The following PTPRD variants were observed in gnomAD, a reference collection of about 807,000 sequenced individuals.
PTPRD encodes receptor-type tyrosine-protein phosphatase delta.
In PTPRD, 34 loss-of-function variants were observed where a neutral mutation model predicts 214.5. The ratio of observed to expected loss-of-function variants is 0.16; its 90% CI spans 0.12 to 0.21. The LOEUF (loss-of-function observed/expected upper bound fraction) is 0.21. Among genes scored for constraint, PTPRD ranks in the 10% least tolerant of loss-of-function variants. PTPRD has a pLI of 1.00. For missense variants in PTPRD, 2,545 were observed against 2,398.7 expected, an observed-to-expected ratio of 1.06 and a Z score of -1.27; for synonymous variants, 1,128 against 845.7, an observed-to-expected ratio of 1.33 and a Z score of -5.79.
At chr9:10,279,825 T>C (rs2094986576) in intron 3 of PTPRD, among the ~76,000 whole-genome samples, 1 of 152,178 alleles carries the variant, frequency 6.6e-6, no homozygotes, top group Non-Finnish European at 1.5e-5. Flanking sequence ...TGAGTAGTCC[T>C]GAATTGATAC....
At chr9:10,269,497 G>A (rs945713128) in intron 3 of PTPRD, among the ~76,000 whole-genome samples, 1 of 152,074 alleles carries the variant, frequency 6.6e-6, no homozygotes, top group Non-Finnish European at 1.5e-5. Flanking sequence ...ACAACCACCT[G>A]AGGAAAGAAA....
chr9:9,325,597 G>C (rs1969620625), intron 9 of PTPRD, among the ~76,000 whole-genome samples: 2 of 152,122 alleles, frequency 1.3e-5, no homozygotes, highest in Non-Finnish European at 2.9e-5. Context: ...TTTGGGCTGA[G>C]ACAATGGGGT....
At position 8,442,981 on chromosome 9, in the gene PTPRD, A is replaced by T. The variant is rs554069352; in HGVS notation, c.3989-6292T>A. On this transcript the variant is annotated intron_variant, in intron 34 of 45. Coordinates refer to ENST00000381196, the MANE Select transcript of PTPRD (RefSeq NM_002839.4). ...CAGAGGAAGACCCCGTTTCTGCAAC[A>T]AAAATTTTTTTAAATGAACCGGGCA... is the stretch of plus-strand genomic sequence containing the variant. Among the ~76,000 whole-genome samples the T allele has an allele frequency of 5.3e-4, 81 of 152,330 alleles. 1 individual carries two copies. Among genetic ancestry groups the T allele is most frequent in the Middle Eastern group, 6.8e-3 (2 of 294 alleles).
intron 12 of PTPRD, among the ~76,000 whole-genome samples, chr9:8,659,982 A>G (rs1299436182): frequency 6.6e-6 from 1 of 152,244 alleles, no homozygotes; most frequent in African/African-American, 2.4e-5. Context: ...CTATTATAAG[A>G]AAAAGAATTG....
At chr9:10,531,361 C>A (rs2056245728) in intron 2 of PTPRD, among the ~76,000 whole-genome samples, 1 of 152,236 alleles carries the variant, frequency 6.6e-6, no homozygotes, top group East Asian at 1.9e-4. Context: ...AATCACCATA[C>A]TATGCAAAAA....
At chr9:8,941,140 C>T (rs1206620994) in intron 11 of PTPRD, among the ~76,000 whole-genome samples, 6 of 152,072 alleles carry the variant, frequency 3.9e-5, no homozygotes, top group African/African-American at 1.4e-4. Context: ...GCTCTCTTTG[C>T]TCATAAACAC....
At chr9:10,602,146 C>T (rs894663479) in intron 2 of PTPRD, among the ~76,000 whole-genome samples, 3 of 151,686 alleles carry the variant, frequency 2.0e-5, no homozygotes, top group African/African-American at 4.8e-5. Flanking sequence ...TGTATATGTG[C>T]TTTGCCATCT....
At chr9:9,589,040 C>T (rs1216776692) in intron 7 of PTPRD, among the ~76,000 whole-genome samples, 1 of 151,728 alleles carries the variant, frequency 6.6e-6, no homozygotes, top group African/African-American at 2.4e-5. Flanking sequence ...GCAAGTTGAC[C>T]ACTTCCGTAT....
chr9:9,651,135 C>G lies in PTPRD; in HGVS notation c.-286-76354G>C, dbSNP rs186572550. 1.9e-3 allele frequency among the ~76,000 whole-genome samples: 295 copies of G among 152,206 alleles called. 4 individuals carry two copies. The highest frequency in any genetic ancestry group is 6.5e-3 in the African/African-American group (272 of 41,544). On this transcript the variant is annotated intron_variant, in intron 7 of 45. Coordinates refer to ENST00000381196, the MANE Select transcript of PTPRD (RefSeq NM_002839.4). ...TCTCAGTCTTATGCTTTTCCATCAC[C>G]AAATCATTGGTTCTTGTGTAAAATA...
At position 10,120,349 on chromosome 9, in the gene PTPRD, C is replaced by T. The variant is rs186210810; in HGVS notation, c.-544-86559G>A. ...TTATTTAAGTATTATCTCTTTTAAT[C>T]TAAACAACCACTGCTCTGATTTAAG... is the stretch of plus-strand genomic sequence containing the variant. On this transcript the variant is annotated intron_variant, in intron 3 of 45. Transcript: ENST00000381196. 7.4e-4 allele frequency among the ~76,000 whole-genome samples: 113 copies of T among 152,032 alleles called. 2 individuals carry two copies. The East Asian group carries it at 0.017, about 22-fold the overall frequency.
chr9:9,762,942 G>A (rs1005601181), intron 6 of PTPRD, among the ~76,000 whole-genome samples: 2 of 152,246 alleles, frequency 1.3e-5, no homozygotes, highest in African/African-American at 2.4e-5. Context: ...TGACAACAAG[G>A]TAGATTTTAT....
At chr9:9,362,665 G>A (rs1191580678) in intron 9 of PTPRD, among the ~76,000 whole-genome samples, 1 of 151,128 alleles carries the variant, frequency 6.6e-6, no homozygotes, top group Non-Finnish European at 1.5e-5. Context: ...CTCTCAAGGG[G>A]CCAATACGTG....
intron 10 of PTPRD, among the ~76,000 whole-genome samples, chr9:9,108,251 C>T (rs927542228): frequency 6.6e-6 from 1 of 152,056 alleles, no homozygotes; most frequent in East Asian, 1.9e-4. Flanking sequence ...TTTCTCCCTA[C>T]CTTTTGTTTT....
intron 6 of PTPRD, among the ~76,000 whole-genome samples, chr9:9,748,875 A>G (rs1365827968): frequency 6.6e-6 from 1 of 152,126 alleles, no homozygotes; most frequent in Non-Finnish European, 1.5e-5. Flanking sequence ...GTGACATTAT[A>G]TTATTGTCTG....
At chr9:8,532,072 T>A (rs1028704571) in intron 14 of PTPRD, among the ~76,000 whole-genome samples, 2 of 152,044 alleles carry the variant, frequency 1.3e-5, no homozygotes, top group Non-Finnish European at 2.9e-5. Context: ...CCTTTCTTAT[T>A]TTTAATAAGG....
chr9:9,919,714 G>C (rs1045897481), intron 5 of PTPRD, among the ~76,000 whole-genome samples: 6 of 152,080 alleles, frequency 3.9e-5, no homozygotes, highest in African/African-American at 1.4e-4. Flanking sequence ...TAAAGAGAAA[G>C]AACAACGGGC....
At chr9:8,943,586 G>T (rs2099046510) in intron 11 of PTPRD, among the ~76,000 whole-genome samples, 1 of 143,626 alleles carries the variant, frequency 7.0e-6, no homozygotes. Flanking sequence ...TTTATTTATT[G>T]ATTTTTTAAC....
In PTPRD at chr9:8,584,898, G is replaced by A. The variant is rs184163612; in HGVS notation, c.352+48419C>T. On this transcript the variant is annotated intron_variant, in intron 14 of 45. Transcript: ENST00000381196. ...CTTCGCATGGCAGTGTCGAGGAGAA[G>A]AATGAGCAAAGGGCGGGAAAAGTCC... 4.6e-5 allele frequency among the ~76,000 whole-genome samples: 7 copies of A among 152,298 alleles called. No individual in the cohort carries two copies. The East Asian group carries it at 1.4e-3, about 29-fold the overall frequency.
At chr9:10,224,924 T>G (rs1224748773) in intron 3 of PTPRD, among the ~76,000 whole-genome samples, 1 of 152,102 alleles carries the variant, frequency 6.6e-6, no homozygotes, top group Non-Finnish European at 1.5e-5. Flanking sequence ...CAGTACATAA[T>G]ACAAATTACA....
Sources: gnomAD v4.1 joint callset for allele counts (sites outside exome capture counted in the v4.1 genomes callset) on GRCh38, gnomAD v4.1.1 for gene constraint, MANE v1.5 for transcripts, NCBI Gene and HGNC (gene_info 2026-07-23, HGNC 2026-07-21) for gene names.